The following AFF4 variants were observed in gnomAD, a reference collection of about 807,000 sequenced individuals.
The protein encoded by AFF4 is ALF transcription elongation factor 4.
AFF4 carries 13 observed loss-of-function variants against 124.8 expected under a neutral mutation model. The observed-to-expected ratio is 0.10, with a 90% CI of 0.07 to 0.17. The LOEUF (loss-of-function observed/expected upper bound fraction) is 0.17. Ranked by LOEUF, AFF4 falls within the 10% of genes least tolerant of loss-of-function variation. AFF4 has a pLI of 1.00. For missense variants in AFF4, 1,092 were observed against 1,403.8 expected, an observed-to-expected ratio of 0.78 and a Z score of 3.55; for synonymous variants, 477 against 496.1, an observed-to-expected ratio of 0.96 and a Z score of 0.51.
At chr5:132,902,414 T>C (rs1266741995) in intron 7 of AFF4, 28 bp downstream of exon 7, 3 of 1,550,064 alleles carry the variant, frequency 1.9e-6, no homozygotes, top group Non-Finnish European at 2.7e-6. Context: ...AAATGATAAA[T>C]ATTAAACTCA....
At chr5:132,917,293 A>T (rs1177573169) in intron 5 of AFF4, among the ~76,000 whole-genome samples, 2 of 152,224 alleles carry the variant, frequency 1.3e-5, no homozygotes, top group Admixed American at 1.3e-4. Context: ...CAATAGATTT[A>T]AAAAATATTC....
chr5:132,944,704 C>G (rs866449442), intron 1 of AFF4, among the ~76,000 whole-genome samples: 1 of 151,744 alleles, frequency 6.6e-6, no homozygotes, highest in Admixed American at 6.6e-5. Context: ...CTGAGGCAGG[C>G]GGACAACCTG....
chr5:132,942,693 A>T (rs1052670342), intron 1 of AFF4, among the ~76,000 whole-genome samples: 1 of 152,044 alleles, frequency 6.6e-6, no homozygotes, highest in Non-Finnish European at 1.5e-5. Flanking sequence ...CAAACTCCCG[A>T]CCTCAGGTGA....
At chr5:132,940,607 T>C (rs931257871) in intron 1 of AFF4, among the ~76,000 whole-genome samples, 4 of 152,210 alleles carry the variant, frequency 2.6e-5, no homozygotes, top group Admixed American at 1.3e-4. Flanking sequence ...CTTGTAAAAA[T>C]AGGTGATTCC....
intron 5 of AFF4, among the ~76,000 whole-genome samples, chr5:132,916,752 TAAG>T (rs1429061992): frequency 6.6e-6 from 1 of 152,080 alleles, no homozygotes; most frequent in Non-Finnish European, 1.5e-5. Context: ...GTTACAGATT[TAAG>T]AAGGGAACAA....
intron 7 of AFF4, among the ~76,000 whole-genome samples, chr5:132,900,289 G>C (rs1407349754): frequency 6.6e-6 from 1 of 152,202 alleles, no homozygotes; most frequent in Non-Finnish European, 1.5e-5. Context: ...GGGTGCGGTG[G>C]CTCATGCCTG....
chr5:132,909,123 C>CTT lies in AFF4; in HGVS notation c.1051-4721_1051-4720dup, dbSNP rs34141962. Among the ~76,000 whole-genome samples, 492 of 112,796 alleles carry CTT rather than the reference C, an allele frequency of 4.4e-3. 6 individuals are homozygous for CTT. Among genetic ancestry groups the CTT allele is most frequent in the African/African-American group, 0.016 (473 of 28,768 alleles). The allele number at this position is 112,796 out of a possible 152,430, so 74.0% of individuals were successfully genotyped here. The stretch of plus-strand genomic sequence containing the variant: ...ACTTCATTCATTGTTAAAACATCAT[C>CTT]TTTTTTTTTTTTTTTTTTTGAGATG... On this transcript the variant is annotated intron_variant, in intron 5 of 20. Coordinates refer to ENST00000265343, the MANE Select transcript of AFF4 (RefSeq NM_014423.4).
At position 132,886,407 on chromosome 5, in the gene AFF4, G is replaced by C. The variant is rs1237068640; in HGVS notation, c.3006-4C>G. 1 of 1,613,228 alleles carries C rather than the reference G, an allele frequency of 6.2e-7. No individual in the cohort carries two copies. Among genetic ancestry groups the C allele is most frequent in the Non-Finnish European group, 8.5e-7 (1 of 1,179,790 alleles). ...CAGCAAAGACTCGCATCGCAGGCTA[G>C]CCAATGGAAAAGGGCGGCTTATTTA... On this transcript the variant is annotated splice_region_variant and splice_polypyrimidine_tract_variant and intron_variant, in intron 17 of 20. Transcript: ENST00000265343.
chr5:132,933,870 T>C (rs1352132358), intron 3 of AFF4, among the ~76,000 whole-genome samples: 1 of 152,226 alleles, frequency 6.6e-6, no homozygotes, highest in African/African-American at 2.4e-5. Context: ...ATCTAAGATA[T>C]CAATTAGTCA....
intron 1 of AFF4, among the ~76,000 whole-genome samples, chr5:132,937,900 A>G (rs867868845): frequency 6.6e-6 from 1 of 152,198 alleles, no homozygotes; most frequent in African/African-American, 2.4e-5. Context: ...GTGAGGGGAA[A>G]ATGGAAGTCC....
At chr5:132,932,115 G>GT (rs1446430124) in intron 4 of AFF4, 63 bp downstream of exon 4, 2 of 1,217,190 alleles carry the variant, frequency 1.6e-6, no homozygotes, top group African/African-American at 3.1e-5. Flanking sequence ...TAGAAAGAGG[G>GT]TAAGAAGGTG....
chr5:132,914,008 G>T (rs1007007985), intron 5 of AFF4, among the ~76,000 whole-genome samples: 3 of 151,948 alleles, frequency 2.0e-5, no homozygotes, highest in Non-Finnish European at 2.9e-5. Context: ...TGGGTGGATC[G>T]CTTGAGTCCA....
chr5:132,892,256 T>C lies in AFF4; in HGVS notation c.2545A>G (p.Lys849Glu). 1.2e-6 allele frequency: 2 copies of C among 1,614,080 alleles called. No individual in the cohort carries two copies. The highest frequency in any genetic ancestry group is 1.7e-6 in the Non-Finnish European group (2 of 1,180,016). Reference protein sequence around the residue: ...SSLKSSSNSNKETSGSSKNSS... With the variant: ...SSLKSSSNSNEETSGSSKNSS... ...TTTTTGCTGCTGCCACTCGTCTCCT[T>C]GTTGCTGTTACTGCTTGACTTTAAG... The change falls in exon 13 of 21, where the codon AAG becomes GAG. Residue 849 changes from lysine to glutamate, a missense_variant. Lys to Glu is a moderately conservative substitution (Grantham distance 56, BLOSUM62 1). Around this residue, in one of 11 missense-constraint regions of AFF4, gnomAD observed 293 missense variants for 280.2 expected, o/e 1.05. Transcript: ENST00000265343.
chr5:132,928,635 T>A (rs895526794), intron 4 of AFF4, among the ~76,000 whole-genome samples: 1 of 152,194 alleles, frequency 6.6e-6, no homozygotes, highest in African/African-American at 2.4e-5. Context: ...ACCAACACAG[T>A]ACTGATTAAA....
At chr5:132,949,684 C>CCACACACACA (rs565722171) in intron 1 of AFF4, among the ~76,000 whole-genome samples, 1 of 147,828 alleles carries the variant, frequency 6.8e-6, no homozygotes, top group African/African-American at 2.5e-5. Context: ...CCCATGTGTA[C>CCACACACACA]CACACACACA....
At chr5:132,888,234 T>A in intron 14 of AFF4, 74 bp from the exon 15 acceptor site, 1 of 1,161,742 alleles carries the variant, frequency 8.6e-7, no homozygotes, top group South Asian at 1.5e-5. Flanking sequence ...GTATCTAGTA[T>A]CCCTCAGTTT....
intron 1 of AFF4, chr5:132,944,073 T>C (rs1228966039): frequency 6.6e-6 from 1 of 152,416 alleles, no homozygotes. Context: ...AAACAGAGGA[T>C]AAGCCTGTAA....
Position 132,887,385 on chromosome 5 carries a change from G to A in AFF4, c.3005+136C>T, listed in dbSNP as rs1760143332. The A allele has an allele frequency of 7.9e-6, 6 of 758,166 alleles. No individual in the cohort carries two copies. The South Asian group carries it at 9.3e-5, about 12-fold the overall frequency. 47.0% of individuals were successfully genotyped at this position (758,166 alleles called of 1,614,324 possible). The stretch of plus-strand genomic sequence containing the variant: ...CAGTAGGAATTTTGAGTTACTTCCT[G>A]CTTGACCCATCAGGAACAGATTTAA... On this transcript the variant is annotated intron_variant, in intron 17 of 20. Transcript: ENST00000265343.
intron 5 of AFF4, among the ~76,000 whole-genome samples, chr5:132,925,829 G>A (rs1163849603): frequency 6.6e-6 from 1 of 152,184 alleles, no homozygotes; most frequent in African/African-American, 2.4e-5. Flanking sequence ...ATAGAACTAT[G>A]GAAGGAATTT....
Sources: gnomAD v4.1 joint callset for allele counts (sites outside exome capture counted in the v4.1 genomes callset) on GRCh38, gnomAD v4.1.1 for gene constraint, gnomAD v4.1.1 regional missense constraint, MANE v1.5 for transcripts, NCBI Gene and HGNC (gene_info 2026-07-23, HGNC 2026-07-21) for gene names.